IQGAP2: variants seen among roughly 807,000 people sequenced by gnomAD.
IQGAP2 encodes the protein ras GTPase-activating-like protein IQGAP2.
Under a neutral mutation model 201.3 loss-of-function variants are expected in IQGAP2, and 173 were observed. The ratio of observed to expected loss-of-function variants is 0.86; its 90% CI spans 0.76 to 0.98. The LOEUF (loss-of-function observed/expected upper bound fraction) is 0.98. Among genes scored for constraint, IQGAP2 ranks in the 50% least tolerant of loss-of-function variants. IQGAP2 has a pLI of 0.00. For missense variants in IQGAP2, 1,687 were observed against 1,864.8 expected (o/e 0.90, Z 1.76); for synonymous variants, 675 against 673.9 (o/e 1.00, Z -0.03).
chr5:76,417,006 T>A (rs56015344), intron 1 of IQGAP2, among the ~76,000 whole-genome samples: 8,135 of 151,750 alleles, frequency 0.054, 471 homozygotes, highest in African/African-American at 0.15. Context: ...TTAAAAAAAA[T>A]TTTTTTTTGT....
chr5:76,571,569 T>C (rs570950488), intron 4 of IQGAP2, among the ~76,000 whole-genome samples: 1 of 152,312 alleles, frequency 6.6e-6, no homozygotes, highest in African/African-American at 2.4e-5. Context: ...CTCCTAAATA[T>C]AATTTAACTC....
Position 76,683,880 on chromosome 5 carries a change from G to A in IQGAP2, c.3868G>A (p.Asp1290Asn). ...LVLTSKYDIE[D>N]GEAIDSRSLM... ...CTTGACAAGCAAATATGACATAGAGGACGGTGAAGCTATAGATAGCCGAAG... is the reference window on the plus strand; with the variant it reads ...CTTGACAAGCAAATATGACATAGAGAACGGTGAAGCTATAGATAGCCGAAG... Residue 1290 changes from aspartate (D) to asparagine (N), a missense_variant, in exon 30 of 36, where the codon GAC (aspartate) becomes AAC (asparagine). By Grantham distance (23) the Asp-to-Asn change is conservative. Transcript: ENST00000274364. The A allele has an allele frequency of 1.2e-6, 2 of 1,613,160 alleles. No individual in the cohort carries two copies. The highest frequency in any genetic ancestry group is 2.2e-5 in the East Asian group (1 of 44,824).
intron 30 of IQGAP2, among the ~76,000 whole-genome samples, chr5:76,691,207 C>T (rs1339529589): frequency 1.3e-5 from 2 of 152,120 alleles, no homozygotes; most frequent in Non-Finnish European, 2.9e-5. Flanking sequence ...CAATGAATTC[C>T]ACAGGCCTGG....
chr5:76,441,240 G>T (rs1157265475), intron 1 of IQGAP2, among the ~76,000 whole-genome samples: 14 of 152,166 alleles, frequency 9.2e-5, no homozygotes. Flanking sequence ...TAGCACAACT[G>T]TAAGTGTTCA....
chr5:76,434,855 G>A (rs943197298), intron 1 of IQGAP2, among the ~76,000 whole-genome samples: 1 of 130,636 alleles, frequency 7.7e-6, no homozygotes, highest in African/African-American at 2.8e-5. Flanking sequence ...CACCACATCC[G>A]TAACAACATC....
At chr5:76,578,390 G>A (rs1453804300) in intron 5 of IQGAP2, among the ~76,000 whole-genome samples, 1 of 151,906 alleles carries the variant, frequency 6.6e-6, no homozygotes, top group Non-Finnish European at 1.5e-5. Flanking sequence ...TCAGCTCACT[G>A]CAACCTCCAC....
At chr5:76,494,320 G>T (rs1431851560) in intron 2 of IQGAP2, among the ~76,000 whole-genome samples, 1 of 152,162 alleles carries the variant, frequency 6.6e-6, no homozygotes, top group Non-Finnish European at 1.5e-5. Context: ...TGTGGCAAAA[G>T]GGTTCAGTCA....
chr5:76,617,641 A>G (rs1318764999), intron 13 of IQGAP2: 1 of 1,613,992 alleles, frequency 6.2e-7, no homozygotes, highest in Non-Finnish European at 8.5e-7. Flanking sequence ...AAATAAAGGA[A>G]TGGATCTAAG....
chr5:76,623,937 T>TTA (rs1044542952), intron 13 of IQGAP2, among the ~76,000 whole-genome samples: 1 of 3,832 alleles, frequency 2.6e-4, no homozygotes, highest in African/African-American at 1.4e-3. Flanking sequence ...TTGTTCAGGC[T>TTA]TTTTTTTTTT....
intron 3 of IQGAP2, among the ~76,000 whole-genome samples, chr5:76,565,484 T>C (rs912128130): frequency 6.6e-6 from 1 of 152,148 alleles, no homozygotes; most frequent in Non-Finnish European, 1.5e-5. Context: ...AGTTCAACTT[T>C]CCAGTTATAA....
chr5:76,700,976 A>G, intron 33 of IQGAP2, 100 bp from the exon 34 acceptor site: 3 of 1,232,980 alleles, frequency 2.4e-6, no homozygotes, highest in Non-Finnish European at 1.1e-6. Flanking sequence ...TCTGAGGGCC[A>G]GGTATGAACA....
At chr5:76,504,271 A>G (rs1297196745) in intron 2 of IQGAP2, among the ~76,000 whole-genome samples, 1 of 152,066 alleles carries the variant, frequency 6.6e-6, no homozygotes, top group African/African-American at 2.4e-5. Context: ...GTGGTGAGGG[A>G]GCAGGCAGAG....
chr5:76,496,706 T>G (rs961162685), intron 2 of IQGAP2, among the ~76,000 whole-genome samples: 3 of 13,918 alleles, frequency 2.2e-4, no homozygotes, highest in Non-Finnish European at 5.2e-4. Context: ...TTCTGTCTCT[T>G]TCTTTCTTTC....
intron 30 of IQGAP2, among the ~76,000 whole-genome samples, chr5:76,692,500 A>G (rs1371785408): frequency 1.3e-5 from 2 of 151,990 alleles, no homozygotes; most frequent in Admixed American, 6.6e-5. Flanking sequence ...TACTGTTTCC[A>G]CCTTATGTAA....
intron 14 of IQGAP2, among the ~76,000 whole-genome samples, chr5:76,630,023 A>G (rs114182389): frequency 0.013 from 1,932 of 152,300 alleles, 21 homozygotes; most frequent in Non-Finnish European, 0.021. Context: ...CCTCAGATAG[A>G]CACTTTGAGC....
At chr5:76,642,241 C>T (rs534566356) in intron 17 of IQGAP2, among the ~76,000 whole-genome samples, 2 of 152,042 alleles carry the variant, frequency 1.3e-5, no homozygotes, top group African/African-American at 2.4e-5. Flanking sequence ...ATTGGGACCC[C>T]ACACTCTCCA....
intron 31 of IQGAP2, 69 bp downstream of exon 31, chr5:76,693,511 A>G (rs781122783): frequency 2.3e-4 from 236 of 1,009,904 alleles, no homozygotes; most frequent in Non-Finnish European, 3.3e-4. Flanking sequence ...TTTATGCCAT[A>G]TGTTTATTAT....
intron 2 of IQGAP2, among the ~76,000 whole-genome samples, chr5:76,550,978 C>T (rs904232348): frequency 1.4e-5 from 2 of 147,274 alleles, no homozygotes; most frequent in African/African-American, 5.1e-5. Context: ...ACTGGCCGGG[C>T]GGGGGCTGCC....
At chr5:76,682,213 G>C (rs1459341641) in intron 28 of IQGAP2, among the ~76,000 whole-genome samples, 5 of 152,124 alleles carry the variant, frequency 3.3e-5, no homozygotes, top group African/African-American at 9.7e-5. Flanking sequence ...TGATGTATCT[G>C]AATTCTATTT....
Sources: allele counts gnomAD v4.1 joint callset (sites outside exome capture counted in the v4.1 genomes callset), GRCh38; gene constraint gnomAD v4.1.1; transcripts MANE v1.5; gene names NCBI Gene and HGNC (gene_info 2026-07-23, HGNC 2026-07-21).